Variants in PXMP2 observed in about 807,000 individuals in gnomAD.
PXMP2 encodes peroxisomal membrane protein 2.
A neutral mutation model predicts 20.2 loss-of-function variants in PXMP2; 13 were observed. The ratio of observed to expected loss-of-function variants is 0.64; its 90% confidence interval spans 0.42 to 1.02. The LOEUF is 1.02. Among genes scored for constraint, PXMP2 ranks in the 50% least tolerant of loss-of-function variants. The pLI is 0.00. For missense variants in PXMP2, 284 were observed against 251.8 expected, an observed-to-expected ratio of 1.13 and a Z score of -0.87; for synonymous variants, 113 against 111.2, an observed-to-expected ratio of 1.02 and a Z score of -0.10.
At chr12:132,700,514 T>A (rs878861810) in intron 3 of PXMP2, among the ~76,000 whole-genome samples, 1 of 152,234 alleles carries the variant, frequency 6.6e-6, no homozygotes, top group Non-Finnish European at 1.5e-5. Context: ...CCCACTTTTT[T>A]AATGAGGTTA....
At chr12:132,699,414 C>A (rs1239276659) in intron 3 of PXMP2, among the ~76,000 whole-genome samples, 6 of 151,952 alleles carry the variant, frequency 3.9e-5, no homozygotes, top group Admixed American at 3.9e-4. Flanking sequence ...GATGGCGAGA[C>A]CCTGTCTTGG....
chr12:132,704,663 C>A lies in PXMP2; in HGVS notation c.564C>A (p.Ala188=). ...FANLAALFWY[A]YLASLGK is the part of the protein sequence containing the mutation. ...ACCTGGCAGCTCTGTTCTGGTATGC[C>A]TACCTGGCCTCCTTGGGGAAGTGAC... The change falls in exon 5 of 5, where the codon GCC becomes GCA. Residue 188 remains alanine, a synonymous_variant. Coordinates refer to ENST00000317479, the MANE Select transcript of PXMP2 (RefSeq NM_018663.3). 1 of 1,545,340 alleles carries A rather than the reference C, an allele frequency of 6.5e-7. No homozygotes were observed. The highest frequency in any genetic ancestry group is 8.8e-7 in the Non-Finnish European group (1 of 1,142,738).
intron 2 of PXMP2, among the ~76,000 whole-genome samples, chr12:132,694,007 G>T (rs2043390939): frequency 9.3e-6 from 1 of 107,762 alleles, no homozygotes. Context: ...GTTAGTTAGT[G>T]AGCTCCCTTA....
intron 4 of PXMP2, among the ~76,000 whole-genome samples, chr12:132,701,844 C>G (rs2043444149): frequency 6.6e-6 from 1 of 152,204 alleles, no homozygotes; most frequent in African/African-American, 2.4e-5. Flanking sequence ...AATCCCATCA[C>G]TATGGAAGGC....
At chr12:132,698,170 C>T (rs754190187) in intron 3 of PXMP2, among the ~76,000 whole-genome samples, 4 of 151,916 alleles carry the variant, frequency 2.6e-5, no homozygotes, top group South Asian at 2.1e-4. Context: ...CCACCATGCC[C>T]GGCTAATTGT....
rs550970287 is a variant in PXMP2, at chr12:132,690,694, C to T, written c.236+318C>T. Among the ~76,000 whole-genome samples, 6 of 152,136 alleles carry T rather than the reference C, an allele frequency of 3.9e-5. No homozygotes were observed. In the South Asian group the frequency reaches 1.2e-3, roughly 32 times the overall value. ...TCAAATAGCTGGGATTACAGGCACA[C>T]ACCGCCATGCCCAGCTAATTTTTGT... On this transcript the variant is annotated intron_variant, in intron 2 of 4. Coordinates refer to ENST00000317479, the MANE Select transcript of PXMP2 (RefSeq NM_018663.3).
At chr12:132,700,736 C>A (rs562633991) in intron 3 of PXMP2, among the ~76,000 whole-genome samples, 1 of 151,604 alleles carries the variant, frequency 6.6e-6, no homozygotes, top group African/African-American at 2.4e-5. Flanking sequence ...GTCACAAATT[C>A]TTTGTCTTGG....
In PXMP2 at chr12:132,704,667, C is replaced by A. The variant is rs1463013203; in HGVS notation, c.568C>A (p.Leu190Met). 8 of 1,552,896 alleles carry A rather than the reference C, an allele frequency of 5.2e-6. No individual in the cohort carries two copies. Among genetic ancestry groups the A allele is most frequent in the Non-Finnish European group, 7.0e-6 (8 of 1,147,024 alleles). The change falls in exon 5 of 5, where the codon CTG (leucine) becomes ATG (methionine). Residue 190 changes from leucine to methionine, a missense_variant. By Grantham distance (15) the Leu-to-Met change is conservative. Transcript: ENST00000317479. ...NLAALFWYAY[L>M]ASLGK Reference sequence around the variant, plus strand: ...GGCAGCTCTGTTCTGGTATGCCTACCTGGCCTCCTTGGGGAAGTGACGACC... The same window carrying A: ...GGCAGCTCTGTTCTGGTATGCCTACATGGCCTCCTTGGGGAAGTGACGACC...
chr12:132,698,566 A>AT (rs1429908066), intron 3 of PXMP2, among the ~76,000 whole-genome samples: 7 of 152,190 alleles, frequency 4.6e-5, no homozygotes, highest in Non-Finnish European at 7.3e-5. Context: ...AATCCCCAGT[A>AT]TTTTGAAATA....
chr12:132,697,913 G>C (rs1317644198), intron 3 of PXMP2, among the ~76,000 whole-genome samples: 2 of 152,022 alleles, frequency 1.3e-5, no homozygotes, highest in African/African-American at 4.8e-5. Flanking sequence ...AGGTGTGTCT[G>C]TTCTGACTGT....
intron 3 of PXMP2, among the ~76,000 whole-genome samples, chr12:132,699,998 T>A (rs1277424837): frequency 6.6e-6 from 1 of 152,110 alleles, no homozygotes; most frequent in East Asian, 1.9e-4. Context: ...TGTGTAAGTG[T>A]TCACTTTTCT....
intron 2 of PXMP2, among the ~76,000 whole-genome samples, chr12:132,691,723 A>C (rs962199944): frequency 7.2e-5 from 11 of 152,188 alleles, no homozygotes; most frequent in African/African-American, 2.4e-4. Context: ...CCCCACTGAG[A>C]ATCCCTGCAT....
intron 4 of PXMP2, among the ~76,000 whole-genome samples, chr12:132,704,406 G>C (rs768415747): frequency 3.3e-5 from 5 of 152,140 alleles, no homozygotes; most frequent in Non-Finnish European, 7.3e-5. Flanking sequence ...TGTGAACACT[G>C]TAACTAGGGG....
In PXMP2 at chr12:132,696,795, G is replaced by A. The variant is rs549411260; in HGVS notation, c.399+749G>A. Among the ~76,000 whole-genome samples the A allele has an allele frequency of 7.9e-5, 12 of 151,936 alleles. No individual in the cohort carries two copies. The highest frequency in any genetic ancestry group is 7.8e-4 in the East Asian group (4 of 5,148). On this transcript the variant is annotated intron_variant, in intron 3 of 4. Coordinates refer to ENST00000317479, the MANE Select transcript of PXMP2 (RefSeq NM_018663.3). This position sits in a 1 kb window ranked among gnomAD's most constrained non-coding sequence, Gnocchi z 4.4. ...AGCCTGGGTAATAGAGCCAGACTCC[G>A]TCTCAAAAACAAAAAACAAAACAAA...
rs1338539566 is a variant in PXMP2 at position 132,693,039 on chromosome 12, C to T, written c.236+2663C>T. Among the ~76,000 whole-genome samples, 2 of 60,036 alleles carry T rather than the reference C, an allele frequency of 3.3e-5. 1 individual carries two copies. The highest frequency in any genetic ancestry group is 7.9e-5 in the Non-Finnish European group (2 of 25,474). 39.4% of individuals were successfully genotyped at this position (60,036 alleles called of 152,430 possible). A position where few individuals can be genotyped will look rare whatever the true frequency, so the allele number is the denominator to read the frequency against. ...CAGTTAGTTAAGTGAGCGCCCTTAG[C>T]CAGTTAGATAGTGAGCGCCCTTAGC... On this transcript the variant is annotated intron_variant, in intron 2 of 4. Transcript: ENST00000317479.
chr12:132,696,595 C>T lies in PXMP2; in HGVS notation c.399+549C>T, dbSNP rs1042504247. 6.6e-6 allele frequency among the ~76,000 whole-genome samples: 1 copy of T among 151,848 alleles called. No individual in the cohort carries two copies. Among genetic ancestry groups the T allele is most frequent in the Non-Finnish European group, 1.5e-5 (1 of 67,956 alleles). ...GGTGGATCACCTGAGGTCAGGAGTT[C>T]GAGACCAGCCTGGCCAACATGGTGA... On this transcript the variant is annotated intron_variant, in intron 3 of 4. Coordinates refer to ENST00000317479, the MANE Select transcript of PXMP2 (RefSeq NM_018663.3). The surrounding 1 kb of genome is among the most constrained non-coding windows in gnomAD (Gnocchi z 4.4).
In PXMP2 at chr12:132,701,326, G is replaced by C. The variant is rs2043439869; in HGVS notation, c.476G>C (p.Trp159Ser). Residue 159 changes from tryptophan to serine, a missense_variant, in exon 4 of 5, where the codon TGG becomes TCG. Transcript: ENST00000317479. ...WPALRMNWRV[W>S]TPLQFININY... ...GCGCTGAGGATGAACTGGCGGGTGT[G>C]GACGCCACTACAGTTCATCAACATC... The C allele has an allele frequency of 6.2e-7, 1 of 1,612,740 alleles. No individual in the cohort carries two copies. Among genetic ancestry groups the C allele is most frequent in the Non-Finnish European group, 8.5e-7 (1 of 1,179,676 alleles).
In PXMP2 at chr12:132,687,717, C is replaced by A. The variant is rs2043313564; in HGVS notation, c.47C>A (p.Ala16Glu). The part of the protein sequence containing the change: ...SRLRAEAGLG[A>E]LPRRALAQYL... ...CTGCGGGCCGAAGCCGGGCTCGGGG[C>A]GCTGCCGCGGCGGGCGCTCGCCCAG... The change falls in exon 1 of 5, where the codon GCG becomes GAG. Residue 16 changes from alanine (A) to glutamate (E), a missense_variant. Coordinates refer to ENST00000317479, the MANE Select transcript of PXMP2 (RefSeq NM_018663.3). The A allele has an allele frequency of 2.5e-6, 3 of 1,208,914 alleles. No individual in the cohort carries two copies. The highest frequency in any genetic ancestry group is 3.1e-6 in the Non-Finnish European group (3 of 972,216). The allele number at this position is 1,208,914 out of a possible 1,614,324, so 74.9% of individuals were successfully genotyped here.
At chr12:132,693,868 G>T in intron 2 of PXMP2, among the ~76,000 whole-genome samples, 1 of 91,662 alleles carries the variant, frequency 1.1e-5, no homozygotes, top group Non-Finnish European at 2.4e-5. Flanking sequence ...GTTAGTTAGT[G>T]AGCTCCCTTA....
Sources: gnomAD v4.1 joint callset for allele counts (sites outside exome capture counted in the v4.1 genomes callset) on GRCh38, gnomAD v4.1.1 for gene constraint, Gnocchi (gnomAD v3.1) non-coding constraint, MANE v1.5 for transcripts, NCBI Gene and HGNC (gene_info 2026-07-23, HGNC 2026-07-21) for gene names.